The following KATNAL1 variants were observed in gnomAD, a reference collection of about 807,000 sequenced individuals.
The protein encoded by KATNAL1 is katanin catalytic subunit A1 like 1.
Under a neutral mutation model 55.2 loss-of-function variants are expected in KATNAL1, and 32 were observed. That is an observed-to-expected ratio of 0.58 (90% CI 0.44 to 0.78). The LOEUF is 0.78. KATNAL1 is among the 30% of genes least tolerant of loss of function. KATNAL1 has a pLI of 0.00. For synonymous variants in KATNAL1, 193 were observed against 193.6 expected (o/e 1.00, Z 0.02); for missense variants, 466 against 600.9 (o/e 0.78, Z 2.35).
chr13:30,296,671 T>C, intron 1 of KATNAL1: 2 of 660,032 alleles, frequency 3.0e-6, no homozygotes, highest in Admixed American at 1.9e-5. Flanking sequence ...GGCTGGAAGC[T>C]TGGCAGTGAC....
At chr13:30,306,364 C>T (rs983137017) in intron 1 of KATNAL1, among the ~76,000 whole-genome samples, 3 of 152,088 alleles carry the variant, frequency 2.0e-5, no homozygotes, top group Admixed American at 1.3e-4. Flanking sequence ...ATTATTGCTG[C>T]CTACTGCTAA....
At chr13:30,210,269 C>T (rs142681398) in intron 10 of KATNAL1, 47 bp downstream of exon 10, 35 of 1,501,942 alleles carry the variant, frequency 2.3e-5, no homozygotes, top group African/African-American at 1.9e-4. Flanking sequence ...AGTCCTCCTG[C>T]GAAGTCTATA....
At chr13:30,259,697 T>C (rs1283051730) in intron 3 of KATNAL1, among the ~76,000 whole-genome samples, 1 of 152,160 alleles carries the variant, frequency 6.6e-6, no homozygotes, top group Non-Finnish European at 1.5e-5. Context: ...GGAGATTATA[T>C]CCCGCACCTG....
chr13:30,210,650 GAAAAA>G (rs33951005), intron 9 of KATNAL1: 26 of 120,314 alleles, frequency 2.2e-4, no homozygotes, highest in Non-Finnish European at 2.7e-4. Flanking sequence ...ACTAAAAATT[GAAAAA>G]AAAAAAAAAA....
At chr13:30,223,369 G>A (rs1265410950) in intron 9 of KATNAL1, among the ~76,000 whole-genome samples, 1 of 149,180 alleles carries the variant, frequency 6.7e-6, no homozygotes, top group Non-Finnish European at 1.5e-5. Context: ...GTGAACCTGG[G>A]AGGCAGAGCT....
At chr13:30,296,618 G>A (rs1316090274) in intron 1 of KATNAL1, 2 of 712,530 alleles carry the variant, frequency 2.8e-6, no homozygotes, top group Non-Finnish European at 5.3e-6. Context: ...AGCTGGTCCA[G>A]ACCATCCAGT....
chr13:30,220,195 T>C (rs1874702101), intron 9 of KATNAL1, among the ~76,000 whole-genome samples: 1 of 152,168 alleles, frequency 6.6e-6, no homozygotes, highest in Non-Finnish European at 1.5e-5. Flanking sequence ...GCACAGTGGC[T>C]TATGCTTGTA....
At chr13:30,228,131 C>T (rs1010292264) in intron 8 of KATNAL1, among the ~76,000 whole-genome samples, 3 of 152,058 alleles carry the variant, frequency 2.0e-5, no homozygotes, top group Non-Finnish European at 4.4e-5. Flanking sequence ...ACCAAACCAA[C>T]TACATGTATA....
In KATNAL1 at chr13:30,270,208, C is replaced by T. The variant is rs1483120183; in HGVS notation, c.323+9855G>A. Among the ~76,000 whole-genome samples, 4 of 113,104 alleles carry T rather than the reference C, an allele frequency of 3.5e-5. 1 individual carries two copies. Among genetic ancestry groups the T allele is most frequent in the Non-Finnish European group, 8.4e-5 (4 of 47,862 alleles). The allele number at this position is 113,104 out of a possible 152,430, so 74.2% of individuals were successfully genotyped here. A position where few individuals can be genotyped will look rare whatever the true frequency, so the allele number is the denominator to read the frequency against. On this transcript the variant is annotated intron_variant, in intron 3 of 10. Coordinates refer to ENST00000380615, the MANE Select transcript of KATNAL1 (RefSeq NM_032116.5). ...CTCGTCCGGGAAGGAGGTGGGGGGT[C>T]AGCCCCCCGCCCGGCCAGCCGCCCC...
In KATNAL1 at chr13:30,298,751, G is replaced by A. The variant is rs561921215; in HGVS notation, c.-15+8580C>T. ...AAGAGATTAGACACAGATAAAAGGAGAATCAATAAACCAGAAGACAGAGCT... is the reference window on the plus strand; with the variant it reads ...AAGAGATTAGACACAGATAAAAGGAAAATCAATAAACCAGAAGACAGAGCT... On this transcript the variant is annotated intron_variant, in intron 1 of 10. Transcript: ENST00000380615. 5.3e-5 allele frequency among the ~76,000 whole-genome samples: 8 copies of A among 152,182 alleles called. No individual in the cohort carries two copies. The South Asian group carries it at 1.7e-3, about 32-fold the overall frequency.
At chr13:30,296,057 A>T (rs12874886) in intron 1 of KATNAL1, 44,338 of 200,868 alleles carry the variant, frequency 0.22, 5,387 homozygotes, top group East Asian at 0.32. Flanking sequence ...AAAAAAAAAA[A>T]TTTTAATTAG....
chr13:30,225,676 AC>A (rs1875396888), intron 9 of KATNAL1, among the ~76,000 whole-genome samples: 1 of 151,874 alleles, frequency 6.6e-6, no homozygotes, highest in African/African-American at 2.4e-5. Flanking sequence ...ACACACACAC[AC>A]ACACACACAA....
At chr13:30,274,899 GCGCGCGCGCACACACACACA>G (rs1281301604) in intron 3 of KATNAL1, among the ~76,000 whole-genome samples, 436 of 112,372 alleles carry the variant, frequency 3.9e-3, no homozygotes, top group Non-Finnish European at 5.2e-3. Flanking sequence ...ATACGCGCGC[GCGCGCGCGCACACACACACA>G]CACACACACA....
intron 1 of KATNAL1, among the ~76,000 whole-genome samples, chr13:30,305,886 C>G (rs1029888536): frequency 3.9e-5 from 6 of 152,240 alleles, no homozygotes; most frequent in African/African-American, 1.4e-4. Context: ...TAAAATACTT[C>G]AAACCTTATG....
chr13:30,219,921 C>T (rs1017628025), intron 9 of KATNAL1, among the ~76,000 whole-genome samples: 8 of 152,158 alleles, frequency 5.3e-5, no homozygotes, highest in Admixed American at 1.3e-4. Context: ...TCCCCTAATA[C>T]CTAAGCTTTC....
intron 4 of KATNAL1, among the ~76,000 whole-genome samples, chr13:30,254,779 T>G (rs1016378444): frequency 2.4e-4 from 37 of 152,288 alleles, no homozygotes; most frequent in Admixed American, 1.2e-3. Flanking sequence ...CACTTAAAAA[T>G]TTTTCTCTTT....
intron 6 of KATNAL1, among the ~76,000 whole-genome samples, chr13:30,238,442 A>G (rs559398146): frequency 6.6e-6 from 1 of 152,342 alleles, no homozygotes; most frequent in Non-Finnish European, 1.5e-5. Context: ...CCAATATTCT[A>G]TGCTGCCTTC....
In KATNAL1 at chr13:30,214,909, C is replaced by A. The variant is rs1231280110; in HGVS notation, c.1148-4467G>T. ...CACCAAAAGCAATGGCAACAAAAGA[C>A]AAAATTGACAAATGGGATCTAATTA... is the stretch of plus-strand genomic sequence containing the variant. On this transcript the variant is annotated intron_variant, in intron 9 of 10. Coordinates refer to ENST00000380615, the MANE Select transcript of KATNAL1 (RefSeq NM_032116.5). Among the ~76,000 whole-genome samples, 7 of 151,834 alleles carry A rather than the reference C, an allele frequency of 4.6e-5. No homozygotes were observed. In the East Asian group the frequency reaches 9.6e-4, roughly 21 times the overall value.
intron 1 of KATNAL1, among the ~76,000 whole-genome samples, chr13:30,288,325 G>C (rs1338488231): frequency 6.6e-6 from 1 of 152,060 alleles, no homozygotes. Flanking sequence ...TCCAATTAAA[G>C]GTTAAATAAG....
Sources: gnomAD v4.1 joint callset for allele counts (sites outside exome capture counted in the v4.1 genomes callset) on GRCh38, gnomAD v4.1.1 for gene constraint, MANE v1.5 for transcripts, NCBI Gene and HGNC (gene_info 2026-07-23, HGNC 2026-07-21) for gene names.